CMC1: variants seen among roughly 807,000 people sequenced by gnomAD.
CMC1 encodes the protein COX assembly mitochondrial protein homolog.
In CMC1, 14 loss-of-function variants were observed where a neutral mutation model predicts 14.1. The observed-to-expected ratio is 0.99, with a 90% confidence interval of 0.66 to 1.55. The LOEUF (loss-of-function observed/expected upper bound fraction) is 1.55. Among genes scored for constraint, CMC1 ranks in the 40% most tolerant of loss-of-function variants. The probability of loss-of-function intolerance (pLI) is 0.00; values close to 1 mark genes in which losing one functional copy is unlikely to be tolerated. For missense variants in CMC1, 127 were observed against 123.8 expected (o/e 1.03, Z -0.12); for synonymous variants, 50 against 38.4 (o/e 1.30, Z -1.12).
intron 2 of CMC1, among the ~76,000 whole-genome samples, chr3:28,309,577 GC>G (rs1241803043): frequency 1.3e-5 from 2 of 151,836 alleles, no homozygotes; most frequent in African/African-American, 4.8e-5. Context: ...TGCTTTGTCT[GC>G]CACAGGTTTA....
chr3:28,242,479 C>A (rs1360409042), intron 1 of CMC1, among the ~76,000 whole-genome samples: 2 of 152,186 alleles, frequency 1.3e-5, no homozygotes, highest in Non-Finnish European at 2.9e-5. Context: ...CCATTTCTTT[C>A]ATTTTATGGA....
Position 28,322,746 on chromosome 3 carries a change from TAA to T in CMC1, c.*3118_*3119del, listed in dbSNP as rs1703225158. On this transcript the variant is annotated 3_prime_UTR_variant, in exon 4 of 4. Transcript: ENST00000466830. ...TCCATTAATCACAGACAAGCTTGAA[TAA>T]GTGTAAGATAATAGAAAAAAATATC... 6.6e-6 allele frequency: 1 copy of T among 151,570 alleles called. No homozygotes were observed. The highest frequency in any genetic ancestry group is 1.5e-5 in the Non-Finnish European group (1 of 67,408). The allele number at this position is 151,570 out of a possible 1,614,324, so 9.4% of individuals were successfully genotyped here.
chr3:28,288,060 C>T (rs969909833), intron 2 of CMC1, among the ~76,000 whole-genome samples: 4 of 152,022 alleles, frequency 2.6e-5, no homozygotes, highest in Non-Finnish European at 4.4e-5. Context: ...CCACATACGA[C>T]AATGCAGACA....
intron 2 of CMC1, among the ~76,000 whole-genome samples, chr3:28,273,200 C>T (rs1265269288): frequency 1.3e-5 from 2 of 152,118 alleles, no homozygotes; most frequent in Admixed American, 1.3e-4. Flanking sequence ...AATTTCAGAA[C>T]TTGTTATTGT....
In CMC1 at chr3:28,324,346, C is replaced by T; in HGVS notation, c.*4717C>T. 1 of 1,598,982 alleles carries T rather than the reference C, an allele frequency of 6.3e-7. No homozygotes were observed. On this transcript the variant is annotated 3_prime_UTR_variant, in exon 4 of 4. Transcript: ENST00000466830. ...AGATGTGGTATGACAAAGAGCTTTG[C>T]CATTTGGTAAGAGAGGGGGATGTCT...
At chr3:28,297,626 G>C (rs189749566) in intron 2 of CMC1, among the ~76,000 whole-genome samples, 2 of 152,050 alleles carry the variant, frequency 1.3e-5, no homozygotes, top group Non-Finnish European at 1.5e-5. Context: ...CTTCAGCTGG[G>C]AGCCATTACG....
chr3:28,248,376 G>C (rs1698936673), intron 1 of CMC1, among the ~76,000 whole-genome samples: 1 of 152,168 alleles, frequency 6.6e-6, no homozygotes, highest in South Asian at 2.1e-4. Flanking sequence ...CACCGAATTT[G>C]GGAGTTAGTA....
intron 2 of CMC1, among the ~76,000 whole-genome samples, chr3:28,304,748 T>G (rs1422402382): frequency 6.6e-6 from 1 of 152,142 alleles, no homozygotes; most frequent in African/African-American, 2.4e-5. Context: ...TAATAAGAAT[T>G]TAAACATAGC....
intron 2 of CMC1, among the ~76,000 whole-genome samples, chr3:28,285,269 G>C (rs1044605131): frequency 2.0e-5 from 3 of 152,142 alleles, no homozygotes; most frequent in African/African-American, 7.2e-5. Flanking sequence ...CTCTGCTGGG[G>C]AGGAAGGACT....
At chr3:28,243,578 G>C (rs150683950) in intron 1 of CMC1, among the ~76,000 whole-genome samples, 5 of 152,232 alleles carry the variant, frequency 3.3e-5, no homozygotes, top group Admixed American at 1.3e-4. Context: ...CACACAGCTA[G>C]TTGCTGGTAG....
intron 2 of CMC1, among the ~76,000 whole-genome samples, chr3:28,314,052 G>A (rs1390270164): frequency 6.6e-6 from 1 of 152,132 alleles, no homozygotes; most frequent in Non-Finnish European, 1.5e-5. Context: ...CCAGCCCATG[G>A]TTCATTACCA....
At chr3:28,279,680 C>T (rs1426344032) in intron 2 of CMC1, among the ~76,000 whole-genome samples, 2 of 140,230 alleles carry the variant, frequency 1.4e-5, no homozygotes, top group Admixed American at 1.4e-4. Context: ...TGACATAAAA[C>T]TTTTAGAATG....
chr3:28,277,749 C>A (rs1419922990), intron 2 of CMC1, among the ~76,000 whole-genome samples: 3 of 152,032 alleles, frequency 2.0e-5, no homozygotes, highest in Non-Finnish European at 4.4e-5. Flanking sequence ...TGCAAAGACC[C>A]TGAGGTGTAA....
chr3:28,278,540 A>T (rs1379006225), intron 2 of CMC1, among the ~76,000 whole-genome samples: 1 of 152,228 alleles, frequency 6.6e-6, no homozygotes, highest in African/African-American at 2.4e-5. Flanking sequence ...TAGATTAAAA[A>T]TTGACATTTG....
At chr3:28,284,015 G>A (rs967648023) in intron 2 of CMC1, among the ~76,000 whole-genome samples, 8 of 152,020 alleles carry the variant, frequency 5.3e-5, no homozygotes, top group African/African-American at 1.5e-4. Flanking sequence ...TGCCTAGATC[G>A]CAAAATTTGA....
intron 1 of CMC1, among the ~76,000 whole-genome samples, chr3:28,262,597 A>T (rs1213922610): frequency 6.6e-6 from 1 of 152,150 alleles, no homozygotes; most frequent in Non-Finnish European, 1.5e-5. Flanking sequence ...ACTCTATAGT[A>T]ATATGATTAC....
At chr3:28,289,220 A>AT (rs903387103) in intron 2 of CMC1, among the ~76,000 whole-genome samples, 1 of 151,848 alleles carries the variant, frequency 6.6e-6, no homozygotes, top group Non-Finnish European at 1.5e-5. Flanking sequence ...TTCTGAAAGA[A>AT]TTTTTTTAGT....
chr3:28,298,129 T>C (rs975198316), intron 2 of CMC1: 3 of 151,564 alleles, frequency 2.0e-5, no homozygotes, highest in Non-Finnish European at 4.4e-5. Flanking sequence ...TACAGGACTC[T>C]ACCTGTAGAG....
intron 1 of CMC1, among the ~76,000 whole-genome samples, chr3:28,244,262 G>C (rs956449427): frequency 6.6e-6 from 1 of 152,174 alleles, no homozygotes; most frequent in African/African-American, 2.4e-5. Context: ...TTGTAGAGGG[G>C]TCAGGTCATA....
Sources: gnomAD v4.1 joint callset for allele counts (sites outside exome capture counted in the v4.1 genomes callset) on GRCh38, gnomAD v4.1.1 for gene constraint, MANE v1.5 for transcripts, NCBI Gene and HGNC (gene_info 2026-07-23, HGNC 2026-07-21) for gene names.